Variants in EFCAB5 observed in about 807,000 individuals in gnomAD.
The protein encoded by EFCAB5 is EF-hand calcium binding domain 5.
In EFCAB5, 131 loss-of-function variants were observed where a neutral mutation model predicts 167.9. The ratio of observed to expected loss-of-function variants is 0.78; its 90% CI spans 0.68 to 0.90. The LOEUF (loss-of-function observed/expected upper bound fraction) is 0.90. EFCAB5 is among the 40% of genes least tolerant of loss of function. The probability of loss-of-function intolerance (pLI) is 0.00; values close to 1 mark genes in which losing one functional copy is unlikely to be tolerated. For missense variants in EFCAB5, 1,663 were observed against 1,745.2 expected, an observed-to-expected ratio of 0.95 and a Z score of 0.84; for synonymous variants, 574 against 602.8, an observed-to-expected ratio of 0.95 and a Z score of 0.70.
chr17:30,028,205 T>C (rs927750130), intron 7 of EFCAB5, among the ~76,000 whole-genome samples: 1 of 152,206 alleles, frequency 6.6e-6, no homozygotes, highest in African/African-American at 2.4e-5. Context: ...TCATACAATC[T>C]GAGGCCTTCA....
At chr17:29,939,125 G>T (rs180853508), upstream of EFCAB5, among the ~76,000 whole-genome samples, 1 of 152,166 alleles carries the variant, frequency 6.6e-6, no homozygotes, top group Non-Finnish European at 1.5e-5. Context: ...GTTGACAGGC[G>T]TGGGAACAAC....
At chr17:30,038,268 T>C (rs1476589404) in intron 8 of EFCAB5, among the ~76,000 whole-genome samples, 3 of 152,244 alleles carry the variant, frequency 2.0e-5, no homozygotes, top group Admixed American at 6.5e-5. Context: ...CCAGTGCTCA[T>C]TGACCATTCC....
chr17:30,054,293 A>G (rs1198180958), intron 10 of EFCAB5, 145 bp downstream of exon 10: 11 of 993,076 alleles, frequency 1.1e-5, no homozygotes, highest in Middle Eastern at 3.2e-4. Flanking sequence ...GCTGCTCCAC[A>G]TTAGTCTAGA....
At chr17:30,021,568 C>A (rs975809930) in intron 7 of EFCAB5, among the ~76,000 whole-genome samples, 11 of 151,040 alleles carry the variant, frequency 7.3e-5, no homozygotes, top group African/African-American at 2.7e-4. Flanking sequence ...ATGGCTTGAT[C>A]TAATTAATAT....
chr17:30,099,048 C>T (rs2071344833), intron 22 of EFCAB5, among the ~76,000 whole-genome samples: 1 of 152,226 alleles, frequency 6.6e-6, no homozygotes, highest in Non-Finnish European at 1.5e-5. Context: ...ATTCATCTAT[C>T]AGTTGATGCA....
intron 22 of EFCAB5, among the ~76,000 whole-genome samples, chr17:30,105,668 TTCTC>T (rs2071440499): frequency 6.6e-6 from 1 of 152,218 alleles, no homozygotes; most frequent in Admixed American, 6.5e-5. Flanking sequence ...TTATTCATAA[TTCTC>T]TCTAATGTTA....
intron 8 of EFCAB5, among the ~76,000 whole-genome samples, chr17:30,038,872 C>A (rs889410209): frequency 1.3e-5 from 2 of 152,190 alleles, no homozygotes; most frequent in East Asian, 3.9e-4. Flanking sequence ...GGGATACATT[C>A]TCCTCTGGTG....
intron 7 of EFCAB5, among the ~76,000 whole-genome samples, chr17:30,025,340 C>T (rs1235377775): frequency 6.6e-6 from 1 of 152,072 alleles, no homozygotes. Flanking sequence ...CAAACAAACC[C>T]ATCAAAAAGT....
rs538306917 is a variant in EFCAB5 at position 30,089,131 on chromosome 17, C to T, written c.3684-1290C>T. Among the ~76,000 whole-genome samples the T allele has an allele frequency of 2.0e-5, 3 of 152,182 alleles. No individual in the cohort carries two copies. In the East Asian group the frequency reaches 5.8e-4, roughly 29 times the overall value. On this transcript the variant is annotated intron_variant, in intron 19 of 22. Coordinates refer to ENST00000394835, the MANE Select transcript of EFCAB5 (RefSeq NM_198529.4). ...ACAGGCCCCGGTGTGTGATGTTCCCCACCCTGTGTCCAAGTGTTCTCATTG... is the reference window on the plus strand; with the variant it reads ...ACAGGCCCCGGTGTGTGATGTTCCCTACCCTGTGTCCAAGTGTTCTCATTG...
intron 4 of EFCAB5, among the ~76,000 whole-genome samples, chr17:29,989,520 T>G (rs1332859344): frequency 6.6e-6 from 1 of 152,172 alleles, no homozygotes; most frequent in Non-Finnish European, 1.5e-5. Context: ...GCTAAGGGAA[T>G]AGTAAAGACA....
At chr17:30,021,118 T>A (rs1211058599) in intron 7 of EFCAB5, among the ~76,000 whole-genome samples, 1 of 150,998 alleles carries the variant, frequency 6.6e-6, no homozygotes, top group Non-Finnish European at 1.5e-5. Flanking sequence ...GTATGGTTTG[T>A]CTACATGATA....
In EFCAB5 at chr17:29,969,063, A is replaced by G. The variant is rs1336487509; in HGVS notation, c.463A>G (p.Asn155Asp). Residue 155 changes from asparagine (N) to aspartate (D), a missense_variant, in exon 4 of 23, where the codon AAT becomes GAT. Asn to Asp is a conservative substitution (Grantham distance 23). Transcript: ENST00000394835. The stretch of plus-strand genomic sequence containing the variant: ...GGCTGAAAAAAAACTCCCTAGGGAT[A>G]ATTTGGCCAAAGAGTGGTTTAATAC... ...KKAEKKLPRD[N>D]LAKEWFNTDS... The G allele has an allele frequency of 1.9e-6, 3 of 1,610,572 alleles. No homozygotes were observed. Among genetic ancestry groups the G allele is most frequent in the South Asian group, 2.2e-5 (2 of 89,726 alleles).
chr17:30,080,038 T>C (rs375929265), intron 15 of EFCAB5, 34 bp from the exon 16 acceptor site: 23 of 1,576,922 alleles, frequency 1.5e-5, no homozygotes, highest in African/African-American at 4.1e-5. Context: ...CTTTGGCTGT[T>C]GGCAAACACA....
chr17:30,053,264 T>A lies in EFCAB5; in HGVS notation c.1310T>A (p.Ile437Asn), dbSNP rs574069172. ...LLRNPRQWPF[I>N]EFEEINLTEL... is the part of the protein sequence containing the mutation. The stretch of plus-strand genomic sequence containing the variant: ...TTGTTTTCTGCATTAGGGCCATTCA[T>A]TGAATTTGAAGAGATAAACTTGACT... The change falls in exon 10 of 23, where the codon ATT becomes AAT. Residue 437 changes from isoleucine (I) to asparagine (N), a missense_variant. By Grantham distance (149) the Ile-to-Asn change is moderately radical (BLOSUM62 -3). Coordinates refer to ENST00000394835, the MANE Select transcript of EFCAB5 (RefSeq NM_198529.4). The A allele has an allele frequency of 1.3e-6, 2 of 1,598,324 alleles. No homozygotes were observed. Among genetic ancestry groups the A allele is most frequent in the Admixed American group, 1.8e-5 (1 of 57,118 alleles).
At chr17:30,062,536 C>A (rs1412778817) in intron 14 of EFCAB5, among the ~76,000 whole-genome samples, 2 of 152,232 alleles carry the variant, frequency 1.3e-5, no homozygotes, top group Non-Finnish European at 2.9e-5. Flanking sequence ...GACCACATAC[C>A]TGTGCTCTCC....
chr17:30,061,820 A>T (rs1403293333), intron 14 of EFCAB5, among the ~76,000 whole-genome samples: 1 of 152,158 alleles, frequency 6.6e-6, no homozygotes, highest in Non-Finnish European at 1.5e-5. Context: ...CTCCTGCCTC[A>T]GTCTCCCAAA....
chr17:30,066,793 A>G (rs1410951458), intron 14 of EFCAB5, among the ~76,000 whole-genome samples: 1 of 152,176 alleles, frequency 6.6e-6, no homozygotes. Context: ...AGAAAAAAAA[A>G]GACCCAAATG....
At chr17:29,948,530 G>A (rs1047862313) in intron 3 of EFCAB5, among the ~76,000 whole-genome samples, 1 of 151,350 alleles carries the variant, frequency 6.6e-6, no homozygotes, top group Non-Finnish European at 1.5e-5. Flanking sequence ...ATTTGTGAAT[G>A]TGTGTGTGTG....
rs9908355 is a variant in EFCAB5 at position 29,975,282 on chromosome 17, G to A, written c.767+5915G>A. 6.7e-3 allele frequency among the ~76,000 whole-genome samples: 992 copies of A among 148,840 alleles called. 5 individuals are homozygous for A. The highest frequency in any genetic ancestry group is 0.023 in the African/African-American group (924 of 40,444). ...CACTAATTTTTTTTTTTTTTGAGACGAAATCTCACTCTGGTTCCCCAGTCA... is the reference window on the plus strand; with the variant it reads ...CACTAATTTTTTTTTTTTTTGAGACAAAATCTCACTCTGGTTCCCCAGTCA... On this transcript the variant is annotated intron_variant, in intron 4 of 22. Coordinates refer to ENST00000394835, the MANE Select transcript of EFCAB5 (RefSeq NM_198529.4).
Sources: gnomAD v4.1 joint callset for allele counts (sites outside exome capture counted in the v4.1 genomes callset) on GRCh38, gnomAD v4.1.1 for gene constraint, MANE v1.5 for transcripts, NCBI Gene and HGNC (gene_info 2026-07-23, HGNC 2026-07-21) for gene names.